Variants in PWWP3A observed in about 807,000 individuals in gnomAD.
PWWP3A encodes PWWP domain-containing DNA repair factor 3A.
In PWWP3A, 53 loss-of-function variants were observed where a neutral mutation model predicts 79.0. The ratio of observed to expected loss-of-function variants is 0.67; its 90% CI spans 0.54 to 0.84. The LOEUF (loss-of-function observed/expected upper bound fraction) is 0.84. Among genes scored for constraint, PWWP3A ranks in the 40% least tolerant of loss-of-function variants. The pLI is 0.00. For synonymous variants in PWWP3A, 443 were observed against 394.4 expected, an observed-to-expected ratio of 1.12 and a Z score of -1.46; for missense variants, 973 against 948.0, an observed-to-expected ratio of 1.03 and a Z score of -0.35.
Position 1,377,980 on chromosome 19 carries a change from C to T in PWWP3A, c.*1404C>T, listed in dbSNP as rs560691117. 1 of 152,410 alleles carries T rather than the reference C, an allele frequency of 6.6e-6. No individual in the cohort carries two copies. Among genetic ancestry groups the T allele is most frequent in the South Asian group, 2.1e-4 (1 of 4,826 alleles). 9.4% of individuals were successfully genotyped at this position (152,410 alleles called of 1,614,324 possible). A position where few individuals can be genotyped will look rare whatever the true frequency, so the allele number is the denominator to read the frequency against. On this transcript the variant is annotated 3_prime_UTR_variant, in exon 14 of 14. Coordinates refer to ENST00000591337, the MANE Select transcript of PWWP3A (RefSeq NM_001369789.1). ...TGCCAGAGGCGGCGGCTGCTCTGGA[C>T]CTCGGTGTTCACTGACCTTTGTTTC...
Position 1,371,151 on chromosome 19 carries a change from G to GTT in PWWP3A, c.1986+73_1986+74insTT, listed in dbSNP as rs779260891. On this transcript the variant is annotated intron_variant, in intron 12 of 13. Transcript: ENST00000591337. ...GGGATTTTGCAACTCCGCACGAGGA[G>GTT]GCTGCCACGGTCCTCGCCCCTGCTC... 2.0e-6 allele frequency: 3 copies of GTT among 1,492,814 alleles called. No homozygotes were observed. The South Asian group carries it at 3.6e-5, about 18-fold the overall frequency. 92.5% of individuals were successfully genotyped at this position (1,492,814 alleles called of 1,614,324 possible).
rs1258422594 is a variant in PWWP3A at position 1,375,566 on chromosome 19, A to AATATATAATTTTATATATTGT, written c.2076-947_2076-946insAATTTTATATATTGTATATAT. ...TATATAAAATATATATTATATATAA[A>AATATATAATTTTATATATTGT]ATATATTATATATAAAATGTATAAT... On this transcript the variant is annotated intron_variant, in intron 13 of 13. Coordinates refer to ENST00000591337, the MANE Select transcript of PWWP3A (RefSeq NM_001369789.1). Among the ~76,000 whole-genome samples the AATATATAATTTTATATATTGT allele has an allele frequency of 2.5e-3, 201 of 81,308 alleles. 2 individuals carry two copies. The highest frequency in any genetic ancestry group is 3.8e-3 in the Non-Finnish European group (172 of 45,864). 53.3% of individuals were successfully genotyped at this position (81,308 alleles called of 152,430 possible).
rs1568950860 is a variant in PWWP3A, at chr19:1,369,614, G to C, written c.1517G>C (p.Gly506Ala). The change falls in exon 11 of 14, where the codon GGC becomes GCC. Residue 506 changes from glycine (G) to alanine (A), a missense_variant. Gly to Ala is a moderately conservative substitution (Grantham distance 60). Coordinates refer to ENST00000591337, the MANE Select transcript of PWWP3A (RefSeq NM_001369789.1). This position sits in a 1 kb window ranked among gnomAD's most constrained non-coding sequence, Gnocchi z 4.0. ...CCTGCAGGCTGCGGGTCTTTTGCTG[G>C]CTCTTTCCTGGAATATTACGCGGCT... ...RVRLGCGSFAGSFLEYYAADI... is the reference protein window; with the variant it reads ...RVRLGCGSFAASFLEYYAADI... 6.2e-7 allele frequency: 1 copy of C among 1,614,204 alleles called. No homozygotes were observed. Among genetic ancestry groups the C allele is most frequent in the South Asian group, 1.1e-5 (1 of 91,080 alleles).
chr19:1,373,307 T>G lies in PWWP3A; in HGVS notation c.2075+147T>G, dbSNP rs2144764620. 4 of 670,144 alleles carry G rather than the reference T, an allele frequency of 6.0e-6. No individual in the cohort carries two copies. In the East Asian group the frequency reaches 1.1e-4, roughly 18 times the overall value. The allele number at this position is 670,144 out of a possible 1,614,324, so 41.5% of individuals were successfully genotyped here. ...GGTGCTGGGTGGTGAGCTGATCACATACGCTGAACTCACCCTGTGGGTCAC... is the reference window on the plus strand; with the variant it reads ...GGTGCTGGGTGGTGAGCTGATCACAGACGCTGAACTCACCCTGTGGGTCAC... On this transcript the variant is annotated intron_variant, in intron 13 of 13. Coordinates refer to ENST00000591337, the MANE Select transcript of PWWP3A (RefSeq NM_001369789.1).
At chr19:1,361,564 A>G (rs2082015570) in intron 5 of PWWP3A, among the ~76,000 whole-genome samples, 1 of 152,236 alleles carries the variant, frequency 6.6e-6, no homozygotes, top group African/African-American at 2.4e-5. Flanking sequence ...ATGCTAGTTC[A>G]GAAATCTTAA....
At chr19:1,361,355 C>T (rs2144712139) in intron 5 of PWWP3A, among the ~76,000 whole-genome samples, 1 of 152,316 alleles carries the variant, frequency 6.6e-6, no homozygotes, top group African/African-American at 2.4e-5. Flanking sequence ...GCCGCAGCTG[C>T]GGCTGCACCC....
chr19:1,361,989 C>A (rs535959028), intron 5 of PWWP3A: 2 of 338,180 alleles, frequency 5.9e-6, no homozygotes, highest in South Asian at 3.7e-5. Context: ...GCCGAGGTGG[C>A]TGCTGCTTAC....
rs1038177224 is a variant in PWWP3A at position 1,377,975 on chromosome 19, C to T, written c.*1399C>T. The T allele has an allele frequency of 1.3e-5, 2 of 152,290 alleles. No individual in the cohort carries two copies. Among genetic ancestry groups the T allele is most frequent in the Non-Finnish European group, 2.9e-5 (2 of 68,072 alleles). 9.4% of individuals were successfully genotyped at this position (152,290 alleles called of 1,614,324 possible). A position where few individuals can be genotyped will look rare whatever the true frequency, so the allele number is the denominator to read the frequency against. On this transcript the variant is annotated 3_prime_UTR_variant, in exon 14 of 14. Transcript: ENST00000591337. ...GGAGGTGCCAGAGGCGGCGGCTGCT[C>T]TGGACCTCGGTGTTCACTGACCTTT...
intron 3 of PWWP3A, chr19:1,358,071 C>T: frequency 9.7e-6 from 3 of 308,974 alleles, no homozygotes; most frequent in Non-Finnish European, 1.8e-5. Context: ...TTACCATCTA[C>T]TCTGAAAATC....
chr19:1,363,672 C>G (rs1291723464), intron 6 of PWWP3A, among the ~76,000 whole-genome samples: 1 of 152,200 alleles, frequency 6.6e-6, no homozygotes, highest in Non-Finnish European at 1.5e-5. Flanking sequence ...TGAGGGTTCC[C>G]TGACCGGCCT....
chr19:1,375,178 G>T (rs1376377710), intron 13 of PWWP3A, among the ~76,000 whole-genome samples: 26 of 149,100 alleles, frequency 1.7e-4, no homozygotes, highest in Non-Finnish European at 3.0e-4. Flanking sequence ...AGCTGAGATT[G>T]TGCTACTGCA....
chr19:1,368,356 T>G lies in PWWP3A; in HGVS notation c.1423-909T>G, dbSNP rs377166002. Among the ~76,000 whole-genome samples, 62 of 152,250 alleles carry G rather than the reference T, an allele frequency of 4.1e-4. No homozygotes were observed. Among genetic ancestry groups the G allele is most frequent in the African/African-American group, 1.1e-3 (44 of 41,538 alleles). ...GTTCTGAGAGCACAGGGTGCCCGCT[T>G]CTTCTTCCTAAGAGTGCGCTCACAT... On this transcript the variant is annotated intron_variant, in intron 9 of 13. Coordinates refer to ENST00000591337, the MANE Select transcript of PWWP3A (RefSeq NM_001369789.1). The surrounding 1 kb of genome is among the most constrained non-coding windows in gnomAD (Gnocchi z 4.7).
At chr19:1,362,395 C>A in intron 6 of PWWP3A, 44 bp downstream of exon 6, 1 of 1,524,344 alleles carries the variant, frequency 6.6e-7, no homozygotes, top group South Asian at 1.1e-5. Context: ...ACGGTGCGCT[C>A]AGAGGCAGCG....
chr19:1,374,128 C>T (rs2082316670), intron 13 of PWWP3A: 1 of 152,194 alleles, frequency 6.6e-6, no homozygotes, highest in Admixed American at 6.5e-5. Context: ...TTGTCCTCTC[C>T]CTCCGTCTCA....
At chr19:1,376,306 T>G (rs34424585) in intron 13 of PWWP3A, among the ~76,000 whole-genome samples, 1 of 104,588 alleles carries the variant, frequency 9.6e-6, no homozygotes, top group African/African-American at 4.5e-5. Context: ...TTTTTTTTTT[T>G]GTTTGTTTTT....
At chr19:1,355,629 G>A (rs1175799919) in intron 1 of PWWP3A, among the ~76,000 whole-genome samples, 3 of 130,758 alleles carry the variant, frequency 2.3e-5, no homozygotes, top group Non-Finnish European at 4.8e-5. Context: ...CCTGCAAGCC[G>A]CAACCCTTCC....
rs202008144 is a variant in PWWP3A, at chr19:1,364,473, C to CT, written c.1214-26dup. 12,325 of 1,285,576 alleles carry CT rather than the reference C, an allele frequency of 9.6e-3. 96 individuals carry two copies. Among genetic ancestry groups the CT allele is most frequent in the African/African-American group, 0.067 (4,412 of 66,098 alleles). 79.6% of individuals were successfully genotyped at this position (1,285,576 alleles called of 1,614,324 possible). A position where few individuals can be genotyped will look rare whatever the true frequency, so the allele number is the denominator to read the frequency against. On this transcript the variant is annotated intron_variant, in intron 6 of 13. Transcript: ENST00000591337. ...TTGATATGGATTTGACTTGTCTATT[C>CT]TTTTTTTTTTGTTTTTCTTTTTTCT...
At chr19:1,362,704 C>G (rs754387567) in intron 6 of PWWP3A, among the ~76,000 whole-genome samples, 11 of 152,242 alleles carry the variant, frequency 7.2e-5, no homozygotes, top group Non-Finnish European at 1.3e-4. Context: ...TCGGGTGTGG[C>G]CACGTACTGT....
rs2082182934 is a variant in PWWP3A at position 1,368,808 on chromosome 19, G to A, written c.1423-457G>A. On this transcript the variant is annotated intron_variant, in intron 9 of 13. Transcript: ENST00000591337. This position sits in a 1 kb window ranked among gnomAD's most constrained non-coding sequence, Gnocchi z 4.7. ...GTGGCACAGTGGCCACAGGGGAGGT[G>A]TTTGCACCGTCGATGCGTTCAGACC... Among the ~76,000 whole-genome samples the A allele has an allele frequency of 6.6e-6, 1 of 152,228 alleles. No homozygotes were observed. The highest frequency in any genetic ancestry group is 2.1e-4 in the South Asian group (1 of 4,836).
Sources: gnomAD v4.1 joint callset for allele counts (sites outside exome capture counted in the v4.1 genomes callset) on GRCh38, gnomAD v4.1.1 for gene constraint, Gnocchi (gnomAD v3.1) non-coding constraint, MANE v1.5 for transcripts, NCBI Gene and HGNC (gene_info 2026-07-23, HGNC 2026-07-21) for gene names.